KCNN3: variants seen among roughly 807,000 people sequenced by gnomAD.
KCNN3 encodes potassium calcium-activated channel subfamily N member 3, also known as small conductance calcium-activated potassium channel protein 3.
KCNN3 carries 16 observed loss-of-function variants against 62.9 expected under a neutral mutation model. The observed-to-expected ratio is 0.25, with a 90% CI of 0.17 to 0.39. The LOEUF is 0.39. Among genes scored for constraint, KCNN3 ranks in the 10% least tolerant of loss-of-function variants. The pLI is 1.00. For missense variants in KCNN3, 599 were observed against 949.4 expected (o/e 0.63, Z 4.85); for synonymous variants, 370 against 389.2 (o/e 0.95, Z 0.58).
At chr1:154,744,925 C>CAAAAAAAAAA (rs5777930) in intron 3 of KCNN3, among the ~76,000 whole-genome samples, 2 of 132,464 alleles carry the variant, frequency 1.5e-5, no homozygotes, top group African/African-American at 2.8e-5. Flanking sequence ...CACATTAAGG[C>CAAAAAAAAAA]AAAAAAAAAA....
chr1:154,758,338 T>C (rs1647830048), intron 3 of KCNN3, among the ~76,000 whole-genome samples: 1 of 152,208 alleles, frequency 6.6e-6, no homozygotes, highest in Non-Finnish European at 1.5e-5. Flanking sequence ...GCTGGTGCGA[T>C]TGCCACTGTG....
chr1:154,756,982 G>A (rs1368904924), intron 3 of KCNN3, among the ~76,000 whole-genome samples: 1 of 152,180 alleles, frequency 6.6e-6, no homozygotes, highest in Non-Finnish European at 1.5e-5. Context: ...CTCAGAGAGA[G>A]GCGTGGCTCA....
chr1:154,816,430 A>T (rs952712734), intron 2 of KCNN3, among the ~76,000 whole-genome samples: 2 of 152,260 alleles, frequency 1.3e-5, no homozygotes, highest in South Asian at 2.1e-4. Context: ...GGGTCACAGT[A>T]GTCTCTTCAG....
intron 2 of KCNN3, among the ~76,000 whole-genome samples, chr1:154,798,278 C>A (rs1160509279): frequency 1.3e-5 from 2 of 152,234 alleles, no homozygotes; most frequent in Non-Finnish European, 1.5e-5. Flanking sequence ...GGGCATTGAC[C>A]TGTACCAGGC....
At chr1:154,736,703 C>CCT (rs1700717530) in intron 3 of KCNN3, among the ~76,000 whole-genome samples, 1 of 152,196 alleles carries the variant, frequency 6.6e-6, no homozygotes, top group South Asian at 2.1e-4. Context: ...GGATTAAACT[C>CCT]GTGCTCCCTG....
At chr1:154,836,156 A>G (rs1028240741) in intron 1 of KCNN3, among the ~76,000 whole-genome samples, 1 of 152,206 alleles carries the variant, frequency 6.6e-6, no homozygotes, top group Non-Finnish European at 1.5e-5. Flanking sequence ...TGCCAGAAAA[A>G]TATGCAAACA....
At chr1:154,753,179 TAACTC>T (rs1391750836) in intron 3 of KCNN3, among the ~76,000 whole-genome samples, 1 of 152,212 alleles carries the variant, frequency 6.6e-6, no homozygotes, top group Non-Finnish European at 1.5e-5. Context: ...CACATCTACT[TAACTC>T]AGTAAGTTTG....
intron 1 of KCNN3, among the ~76,000 whole-genome samples, chr1:154,846,815 C>G (rs1252863502): frequency 6.6e-6 from 1 of 152,192 alleles, no homozygotes; most frequent in African/African-American, 2.4e-5. Flanking sequence ...ACTGTGCTTA[C>G]TAGAGGAGGA....
At chr1:154,746,004 C>T (rs1041197742) in intron 3 of KCNN3, among the ~76,000 whole-genome samples, 5 of 152,198 alleles carry the variant, frequency 3.3e-5, no homozygotes, top group African/African-American at 7.2e-5. Context: ...GCGCTTACCT[C>T]TCTGTGTCTT....
At chr1:154,729,316 C>G (rs967681266) in intron 4 of KCNN3, among the ~76,000 whole-genome samples, 2 of 152,184 alleles carry the variant, frequency 1.3e-5, no homozygotes, top group Non-Finnish European at 2.9e-5. Flanking sequence ...CTCTGTCCAA[C>G]TTCCAGTTCC....
In KCNN3 at chr1:154,701,567, C is replaced by A. The variant is rs1431697101; in HGVS notation, c.*6409G>T. The A allele has an allele frequency of 6.6e-6, 1 of 152,128 alleles. No homozygotes were observed. The highest frequency in any genetic ancestry group is 2.4e-5 in the African/African-American group (1 of 41,402). 9.4% of individuals were successfully genotyped at this position (152,128 alleles called of 1,614,324 possible). A position where few individuals can be genotyped will look rare whatever the true frequency, so the allele number is the denominator to read the frequency against. On this transcript the variant is annotated 3_prime_UTR_variant, in exon 8 of 8. Transcript: ENST00000271915. ...AGTTGCTTAATTTTGCTATAAAGGACAATATCTCAACGGGAACCCTTTATT... is the reference window on the plus strand; with the variant it reads ...AGTTGCTTAATTTTGCTATAAAGGAAAATATCTCAACGGGAACCCTTTATT...
At chr1:154,725,774 A>T (rs564049051) in intron 5 of KCNN3, 142 bp downstream of exon 5, 3 of 688,636 alleles carry the variant, frequency 4.4e-6, no homozygotes, top group Non-Finnish European at 5.3e-6. Context: ...TGATCTCCTG[A>T]CCTTGTGATC....
At position 154,745,994 on chromosome 1, in the gene KCNN3, G is replaced by A. The variant is rs1700928290; in HGVS notation, c.1449-12850C>T. Among the ~76,000 whole-genome samples, 3 of 152,182 alleles carry A rather than the reference G, an allele frequency of 2.0e-5. No individual in the cohort carries two copies. The South Asian group carries it at 6.2e-4, about 32-fold the overall frequency. The stretch of plus-strand genomic sequence containing the variant: ...CTGTTAGCTGTGTGGCCTAGGGAAG[G>A]CGCTTACCTCTCTGTGTCTTGGGCT... On this transcript the variant is annotated intron_variant, in intron 3 of 7. Transcript: ENST00000271915.
chr1:154,710,039 A>G (rs1306737532), intron 7 of KCNN3, among the ~76,000 whole-genome samples: 2 of 152,200 alleles, frequency 1.3e-5, no homozygotes, highest in Non-Finnish European at 2.9e-5. Flanking sequence ...ATCTTATTCG[A>G]TCACCTGAGC....
At chr1:154,819,166 G>A (rs1650789965) in intron 2 of KCNN3, among the ~76,000 whole-genome samples, 1 of 152,184 alleles carries the variant, frequency 6.6e-6, no homozygotes, top group Non-Finnish European at 1.5e-5. Context: ...AACTTCATCA[G>A]TCACACTTGG....
At chr1:154,829,291 G>T (rs563592244) in intron 1 of KCNN3, among the ~76,000 whole-genome samples, 2 of 152,348 alleles carry the variant, frequency 1.3e-5, no homozygotes, top group South Asian at 4.1e-4. Flanking sequence ...CCCACAAGTG[G>T]TTCCTTTGCG....
At chr1:154,726,234 G>T (rs533034800) in intron 4 of KCNN3, among the ~76,000 whole-genome samples, 2 of 152,288 alleles carry the variant, frequency 1.3e-5, no homozygotes, top group South Asian at 4.1e-4. Context: ...GGTCTGCAGT[G>T]CCTCTTGGGT....
At position 154,726,715 on chromosome 1, in the gene KCNN3, A is replaced by G. The variant is rs191323540; in HGVS notation, c.1591-689T>C. Among the ~76,000 whole-genome samples, 449 of 152,248 alleles carry G rather than the reference A, an allele frequency of 2.9e-3. 5 individuals are homozygous for G. Among genetic ancestry groups the G allele is most frequent in the African/African-American group, 0.01 (436 of 41,540 alleles). ...CCTGCCTTCACCAGGAGGCTCATGAATTCACCGTCATGCAGAGATTTTAAA... is the reference window on the plus strand; with the variant it reads ...CCTGCCTTCACCAGGAGGCTCATGAGTTCACCGTCATGCAGAGATTTTAAA... On this transcript the variant is annotated intron_variant, in intron 4 of 7. Coordinates refer to ENST00000271915, the MANE Select transcript of KCNN3 (RefSeq NM_002249.6).
At chr1:154,795,872 A>C (rs1649713047) in intron 2 of KCNN3, among the ~76,000 whole-genome samples, 1 of 152,202 alleles carries the variant, frequency 6.6e-6, no homozygotes, top group South Asian at 2.1e-4. Flanking sequence ...CCAGGAGGAA[A>C]TGGCACAGAT....
Sources: gnomAD v4.1 joint callset for allele counts (sites outside exome capture counted in the v4.1 genomes callset) on GRCh38, gnomAD v4.1.1 for gene constraint, MANE v1.5 for transcripts, NCBI Gene and HGNC (gene_info 2026-07-23, HGNC 2026-07-21) for gene names.